Variants in SMTN observed in about 807,000 individuals in gnomAD.
SMTN encodes smoothelin.
A neutral mutation model predicts 102.0 loss-of-function variants in SMTN; 58 were observed. That is an observed-to-expected ratio of 0.57 (90% CI 0.46 to 0.71). The LOEUF is 0.71. Ranked by LOEUF, SMTN falls within the 30% of genes least tolerant of loss-of-function variation. The pLI is 0.00. For missense variants in SMTN, 1,185 were observed against 1,241.7 expected (o/e 0.95, Z 0.69); for synonymous variants, 478 against 497.9 (o/e 0.96, Z 0.53).
At position 31,091,371 on chromosome 22, in the gene SMTN, A is replaced by T. The variant is rs576575866; in HGVS notation, c.1348A>T (p.Thr450Ser). ...TGCCCCGCTGCCCGTGGCCGTCGGC[A>T]CTGCCGAGCCAGGGGGCAGTATGAA... Reference protein sequence around the residue: ...PGAPLPVAVGTAEPGGSMKTT... With the variant: ...PGAPLPVAVGSAEPGGSMKTT... The change falls in exon 10 of 21, where the codon ACT becomes TCT. Residue 450 changes from threonine (T) to serine (S), a missense_variant. Transcript: ENST00000333137. 1.9e-6 allele frequency: 3 copies of T among 1,604,258 alleles called. No individual in the cohort carries two copies. In the African/African-American group the frequency reaches 4.0e-5, roughly 21 times the overall value.
intron 1 of SMTN, among the ~76,000 whole-genome samples, chr22:31,071,631 T>C (rs1428737225): frequency 6.6e-6 from 1 of 151,414 alleles, no homozygotes; most frequent in East Asian, 1.9e-4. Flanking sequence ...AATTAAAAAC[T>C]TAATTAATTA....
At chr22:31,067,318 C>A (rs1385671401) in intron 1 of SMTN, 1 of 151,624 alleles carries the variant, frequency 6.6e-6, no homozygotes, top group African/African-American at 2.4e-5. Context: ...TGGCTCGCTG[C>A]AATCTCCGCC....
chr22:31,088,794 G>A lies in SMTN; in HGVS notation c.373+17G>A, dbSNP rs766552124. The A allele has an allele frequency of 1.1e-5, 17 of 1,611,198 alleles. No individual in the cohort carries two copies. The highest frequency in any genetic ancestry group is 1.6e-4 in the Middle Eastern group (1 of 6,080). The stretch of plus-strand genomic sequence containing the variant: ...AGATTGAGGGTATGTGGCCTGTCCC[G>A]GCCCCACCCCTGCCCTGCTGTCTGC... On this transcript the variant is annotated intron_variant, in intron 5 of 20. Transcript: ENST00000333137.
rs745906274 is a variant in SMTN at position 31,089,781 on chromosome 22, C to A, written c.554C>A (p.Thr185Asn). Residue 185 changes from threonine (T) to asparagine (N), a missense_variant, in exon 7 of 21, where the codon ACC becomes AAC. Physicochemically the swap from Thr to Asn is moderately conservative, Grantham distance 65. Around this residue, in one of 2 missense-constraint regions of SMTN, gnomAD observed 1,096 missense variants for 1,112.7 expected, o/e 0.98. Transcript: ENST00000333137. ...PTPEGTSQDV[T>N]TVTLLLRAPP... The stretch of plus-strand genomic sequence containing the variant: ...CCTGAAGGCACCAGCCAGGATGTGA[C>A]CACAGTGACACTCCTGCTGCGAGCC... 1.9e-6 allele frequency: 3 copies of A among 1,613,062 alleles called. No homozygotes were observed. The highest frequency in any genetic ancestry group is 2.2e-5 in the South Asian group (2 of 91,086).
At chr22:31,079,235 C>T (rs1424705475), upstream of SMTN, among the ~76,000 whole-genome samples, 3 of 152,226 alleles carry the variant, frequency 2.0e-5, no homozygotes, top group Non-Finnish European at 2.9e-5. Flanking sequence ...AGCACTGTAC[C>T]GGACTGCCCT....
At chr22:31,099,621 A>T in intron 18 of SMTN, 124 bp from the exon 19 acceptor site, 1 of 993,046 alleles carries the variant, frequency 1.0e-6, no homozygotes, top group Non-Finnish European at 1.5e-6. Flanking sequence ...CTATTCACTC[A>T]TTGTGCAAGC....
At chr22:31,089,236 G>A (rs1323020734) in intron 6 of SMTN, among the ~76,000 whole-genome samples, 1 of 152,188 alleles carries the variant, frequency 6.6e-6, no homozygotes, top group African/African-American at 2.4e-5. Flanking sequence ...TCAGACCCCA[G>A]CTGGCTCACA....
intron 6 of SMTN, among the ~76,000 whole-genome samples, chr22:31,089,418 C>T (rs1381734601): frequency 6.6e-6 from 1 of 152,206 alleles, no homozygotes; most frequent in African/African-American, 2.4e-5. Flanking sequence ...TTAAGGCTCC[C>T]GTCCCCAATA....
chr22:31,099,463 C>T, intron 18 of SMTN: 3 of 584,176 alleles, frequency 5.1e-6, no homozygotes, highest in Non-Finnish European at 6.1e-6. Context: ...TGTAGGAGGC[C>T]CTGAGTCAAT....
Position 31,091,800 on chromosome 22 carries a change from A to G in SMTN, c.1585A>G (p.Ser529Gly), listed in dbSNP as rs1037291344. ...ARLGSVTHVTSFSHAPPSSRG... is the reference protein window; with the variant it reads ...ARLGSVTHVTGFSHAPPSSRG... ...GCTGGGCAGTGTCACTCATGTCACC[A>G]GCTTCAGCCATGCCCCCCCCAGTAG... Residue 529 changes from serine (S) to glycine (G), a missense_variant, in exon 11 of 21, where the codon AGC becomes GGC. Coordinates refer to ENST00000333137, the MANE Select transcript of SMTN (RefSeq NM_134269.3). 6.2e-7 allele frequency: 1 copy of G among 1,606,966 alleles called. No individual in the cohort carries two copies. The highest frequency in any genetic ancestry group is 8.5e-7 in the Non-Finnish European group (1 of 1,176,540).
chr22:31,076,171 G>C (rs1012828673), intron 1 of SMTN, among the ~76,000 whole-genome samples: 5 of 152,188 alleles, frequency 3.3e-5, no homozygotes, highest in African/African-American at 1.2e-4. Flanking sequence ...GTCTACACTT[G>C]GCTCTGAGGT....
At chr22:31,084,344 A>G (rs1228344462) in intron 2 of SMTN, among the ~76,000 whole-genome samples, 1 of 152,224 alleles carries the variant, frequency 6.6e-6, no homozygotes, top group Non-Finnish European at 1.5e-5. Flanking sequence ...CTTCCCCCGC[A>G]GGCAGAGGCT....
At position 31,095,679 on chromosome 22, in the gene SMTN, G is replaced by A. The variant is rs2043530677; in HGVS notation, c.1861+70G>A. The stretch of plus-strand genomic sequence containing the variant: ...CCAGCTGCTCCCCTCATACTCTGGG[G>A]TCCATTTGTGGACACCCCAGCTTAA... On this transcript the variant is annotated intron_variant, in intron 13 of 20. Transcript: ENST00000333137. This position sits in a 1 kb window ranked among gnomAD's most constrained non-coding sequence, Gnocchi z 4.1. The A allele has an allele frequency of 2.8e-6, 4 of 1,404,006 alleles. No individual in the cohort carries two copies. The African/African-American group carries it at 5.7e-5, about 20-fold the overall frequency. The allele number at this position is 1,404,006 out of a possible 1,614,324, so 87.0% of individuals were successfully genotyped here.
intron 11 of SMTN, chr22:31,093,475 G>T: frequency 1.6e-6 from 1 of 617,266 alleles, no homozygotes; most frequent in Non-Finnish European, 3.1e-6. Context: ...GCCTGGGCCT[G>T]AGCTGGCCGC....
Position 31,083,190 on chromosome 22 carries a change from C to A in SMTN, c.-69C>A. ...TCTGTCCCCTGCAGAATTCTCTGAG[C>A]TGGTGACAGGTGCCACAGGCACTGG... On this transcript the variant is annotated 5_prime_UTR_variant, in exon 2 of 21. It adds an upstream start codon to the 5' untranslated region. Transcript: ENST00000333137. 6.4e-7 allele frequency: 1 copy of A among 1,574,026 alleles called. No individual in the cohort carries two copies. The highest frequency in any genetic ancestry group is 8.6e-7 in the Non-Finnish European group (1 of 1,159,980).
chr22:31,089,635 T>C, intron 6 of SMTN, 64 bp from the exon 7 acceptor site: 2 of 1,480,784 alleles, frequency 1.4e-6, no homozygotes, highest in Non-Finnish European at 1.8e-6. Context: ...AGCCTGGCCC[T>C]CAGTGGTGGG....
chr22:31,092,645 A>G (rs994751709), intron 11 of SMTN: 2 of 434,888 alleles, frequency 4.6e-6, no homozygotes, highest in African/African-American at 2.0e-5. Flanking sequence ...GAAATAAAGC[A>G]CCCTTCCTTT....
At chr22:31,077,331 G>C (rs1342087765), upstream of SMTN, among the ~76,000 whole-genome samples, 2 of 151,934 alleles carry the variant, frequency 1.3e-5, no homozygotes, top group African/African-American at 4.8e-5. Context: ...AGTGAGCCAT[G>C]GTTGTGCCAC....
At chr22:31,093,787 G>A (rs1312116056) in intron 11 of SMTN, 1 of 1,593,388 alleles carries the variant, frequency 6.3e-7, no homozygotes, top group Non-Finnish European at 8.5e-7. Flanking sequence ...CTTTCAGGCT[G>A]CCGAGGATGC....
Sources: allele counts gnomAD v4.1 joint callset (sites outside exome capture counted in the v4.1 genomes callset), GRCh38; gene constraint gnomAD v4.1.1; regional missense constraint gnomAD v4.1.1; non-coding constraint Gnocchi (gnomAD v3.1); transcripts MANE v1.5; gene names NCBI Gene and HGNC (gene_info 2026-07-23, HGNC 2026-07-21).